The following FBXL17 variants were observed in gnomAD, a reference collection of about 807,000 sequenced individuals.
FBXL17 encodes the protein F-box and leucine rich repeat protein 17.
Under a neutral mutation model 66.2 loss-of-function variants are expected in FBXL17, and 22 were observed. The observed-to-expected ratio is 0.33, with a 90% confidence interval of 0.24 to 0.47. The LOEUF (loss-of-function observed/expected upper bound fraction) is 0.47, where lower values mean the gene tolerates loss of function less well. Among genes scored for constraint, FBXL17 ranks in the 20% least tolerant of loss-of-function variants. FBXL17 has a pLI of 1.00. For missense variants in FBXL17, 878 were observed against 948.2 expected, an observed-to-expected ratio of 0.93 and a Z score of 0.97; for synonymous variants, 474 against 400.5, an observed-to-expected ratio of 1.18 and a Z score of -2.19.
intron 4 of FBXL17, among the ~76,000 whole-genome samples, chr5:108,263,823 T>C (rs1756933008): frequency 6.6e-6 from 1 of 152,180 alleles, no homozygotes; most frequent in Non-Finnish European, 1.5e-5. Flanking sequence ...CAAAAACCCA[T>C]GATATGGGAG....
intron 5 of FBXL17, among the ~76,000 whole-genome samples, chr5:108,199,686 C>A (rs1753813430): frequency 1.3e-5 from 2 of 151,936 alleles, no homozygotes; most frequent in Non-Finnish European, 2.9e-5. Flanking sequence ...TGCTTTGATG[C>A]CAATTGTTCC....
rs558124042 is a variant in FBXL17 at position 108,068,602 on chromosome 5, C to T, written c.1746-47601G>A. ...CCCTGAGTAGCTGGGGCTACAGGCG[C>T]GTGCCACCATGCCCAGCTAATTTTT... On this transcript the variant is annotated intron_variant, in intron 6 of 8. Transcript: ENST00000542267. Among the ~76,000 whole-genome samples, 5 of 152,124 alleles carry T rather than the reference C, an allele frequency of 3.3e-5. No homozygotes were observed. The South Asian group carries it at 6.2e-4, about 19-fold the overall frequency.
intron 7 of FBXL17, among the ~76,000 whole-genome samples, chr5:107,916,432 A>C (rs1033761189): frequency 3.3e-5 from 5 of 152,212 alleles, no homozygotes; most frequent in African/African-American, 9.6e-5. Flanking sequence ...CTGACATTAT[A>C]GTTTTCCTGA....
At chr5:108,100,875 T>C (rs567626506) in intron 6 of FBXL17, among the ~76,000 whole-genome samples, 2 of 152,288 alleles carry the variant, frequency 1.3e-5, no homozygotes, top group African/African-American at 4.8e-5. Context: ...TTCCTGGAAT[T>C]GAGATGTACT....
At chr5:107,972,530 T>A (rs1752410312) in intron 7 of FBXL17, among the ~76,000 whole-genome samples, 1 of 152,316 alleles carries the variant, frequency 6.6e-6, no homozygotes, top group South Asian at 2.1e-4. Context: ...AGAAGTTTCT[T>A]CCAATGTAAG....
intron 6 of FBXL17, among the ~76,000 whole-genome samples, chr5:108,053,611 A>G (rs188553700): frequency 3.9e-5 from 6 of 152,314 alleles, no homozygotes; most frequent in Admixed American, 3.9e-4. Context: ...TCAAGAAATA[A>G]TAGATGGTGG....
chr5:107,896,421 C>T (rs1489735454), intron 7 of FBXL17, among the ~76,000 whole-genome samples: 1 of 151,374 alleles, frequency 6.6e-6, no homozygotes, highest in Non-Finnish European at 1.5e-5. Flanking sequence ...TATGACTGTG[C>T]AAATACTGTT....
intron 7 of FBXL17, among the ~76,000 whole-genome samples, chr5:107,927,037 A>C (rs1050935465): frequency 2.0e-5 from 3 of 152,168 alleles, no homozygotes; most frequent in African/African-American, 7.2e-5. Flanking sequence ...TTTTAGAAAA[A>C]AAGTTAAACT....
intron 6 of FBXL17, among the ~76,000 whole-genome samples, chr5:108,039,010 A>G (rs1013519745): frequency 2.6e-5 from 4 of 152,058 alleles, no homozygotes; most frequent in Non-Finnish European, 5.9e-5. Context: ...ACATTTAAAT[A>G]ATTTTTAAAG....
intron 4 of FBXL17, among the ~76,000 whole-genome samples, chr5:108,314,540 GTATT>G (rs1357168628): frequency 6.6e-6 from 1 of 151,276 alleles, no homozygotes; most frequent in Admixed American, 6.6e-5. Flanking sequence ...TCTAAATTTT[GTATT>G]TAGCCTGAAT....
At chr5:108,321,484 T>C (rs1285708405) in intron 4 of FBXL17, among the ~76,000 whole-genome samples, 2 of 151,908 alleles carry the variant, frequency 1.3e-5, no homozygotes, top group Admixed American at 6.6e-5. Flanking sequence ...CACTGATTTA[T>C]AGAACAGTAG....
chr5:108,088,321 T>A (rs1275366724), intron 6 of FBXL17, among the ~76,000 whole-genome samples: 2 of 152,182 alleles, frequency 1.3e-5, no homozygotes, highest in African/African-American at 4.8e-5. Flanking sequence ...CCATGGACAT[T>A]CATCAATCTC....
intron 4 of FBXL17, among the ~76,000 whole-genome samples, chr5:108,278,964 T>C (rs1038369174): frequency 2.6e-5 from 4 of 152,192 alleles, no homozygotes; most frequent in African/African-American, 4.8e-5. Flanking sequence ...ACCTGGTACA[T>C]TGAAGCACTC....
At chr5:108,056,500 T>C (rs1747714350) in intron 6 of FBXL17, among the ~76,000 whole-genome samples, 1 of 152,368 alleles carries the variant, frequency 6.6e-6, no homozygotes, top group South Asian at 2.1e-4. Context: ...TTAGTGCATA[T>C]GCTGGGTCTA....
At chr5:108,019,884 A>T (rs1754522786) in intron 7 of FBXL17, among the ~76,000 whole-genome samples, 1 of 151,974 alleles carries the variant, frequency 6.6e-6, no homozygotes, top group African/African-American at 2.4e-5. Context: ...AAACATTATA[A>T]GACATATTCT....
chr5:107,871,068 A>AAAAAAAAAAAAAAAC (rs1561511887), intron 8 of FBXL17, among the ~76,000 whole-genome samples: 13 of 123,978 alleles, frequency 1.0e-4, no homozygotes, highest in South Asian at 3.0e-4. Context: ...AAAAAAAAAA[A>AAAAAAAAAAAAAAAC]AAAAAAAAAA....
intron 7 of FBXL17, among the ~76,000 whole-genome samples, chr5:107,964,729 C>T (rs773262692): frequency 2.6e-5 from 4 of 152,150 alleles, no homozygotes; most frequent in Non-Finnish European, 4.4e-5. Context: ...TACATTCACC[C>T]AGGTATACAA....
At chr5:107,956,155 G>C (rs949973077) in intron 7 of FBXL17, among the ~76,000 whole-genome samples, 12 of 152,026 alleles carry the variant, frequency 7.9e-5, no homozygotes, top group Admixed American at 2.6e-4. Context: ...GAAACTTCTA[G>C]ATATACACAC....
intron 6 of FBXL17, among the ~76,000 whole-genome samples, chr5:108,179,594 A>C (rs1362591601): frequency 1.3e-5 from 2 of 152,206 alleles, no homozygotes; most frequent in African/African-American, 2.4e-5. Context: ...GAGGGACTTT[A>C]ATAAACTAGT....
Sources: gnomAD v4.1 joint callset for allele counts (sites outside exome capture counted in the v4.1 genomes callset) on GRCh38, gnomAD v4.1.1 for gene constraint, MANE v1.5 for transcripts, NCBI Gene and HGNC (gene_info 2026-07-23, HGNC 2026-07-21) for gene names.